ASTN2: variants seen among roughly 807,000 people sequenced by gnomAD.
The protein encoded by ASTN2 is astrotactin-2.
A neutral mutation model predicts 139.8 loss-of-function variants in ASTN2; 54 were observed. That is an observed-to-expected ratio of 0.39 (90% CI 0.31 to 0.48). The LOEUF is 0.48. Ranked by LOEUF, ASTN2 falls within the 20% of genes least tolerant of loss-of-function variation. The probability of loss-of-function intolerance (pLI) is 0.95; values close to 1 mark genes in which losing one functional copy is unlikely to be tolerated. For missense variants in ASTN2, 1,565 were observed against 1,725.1 expected, an observed-to-expected ratio of 0.91 and a Z score of 1.64; for synonymous variants, 756 against 719.5, an observed-to-expected ratio of 1.05 and a Z score of -0.81.
chr9:117,018,554 G>T (rs1409477209), intron 6 of ASTN2, among the ~76,000 whole-genome samples: 1 of 152,060 alleles, frequency 6.6e-6, no homozygotes, highest in Non-Finnish European at 1.5e-5. Context: ...TTTTTCTCTA[G>T]ATCTCTTCCT....
intron 19 of ASTN2, among the ~76,000 whole-genome samples, chr9:116,545,361 A>G (rs972706672): frequency 6.6e-6 from 1 of 152,380 alleles, no homozygotes; most frequent in Non-Finnish European, 1.5e-5. Flanking sequence ...CCACCATTCT[A>G]TACAAAATGC....
At chr9:116,838,072 A>ATT (rs1376861063) in intron 11 of ASTN2, among the ~76,000 whole-genome samples, 1 of 148,654 alleles carries the variant, frequency 6.7e-6, no homozygotes, top group Non-Finnish European at 1.5e-5. Context: ...GGCTCTCCAG[A>ATT]TTGCTGGATT....
chr9:116,676,554 C>T (rs1048368761), intron 16 of ASTN2, among the ~76,000 whole-genome samples: 1 of 152,188 alleles, frequency 6.6e-6, no homozygotes, highest in Non-Finnish European at 1.5e-5. Flanking sequence ...AACCTTGTGA[C>T]CATATGGGGA....
chr9:117,318,143 T>C (rs1341657898), intron 1 of ASTN2, among the ~76,000 whole-genome samples: 1 of 152,188 alleles, frequency 6.6e-6, no homozygotes, highest in African/African-American at 2.4e-5. Context: ...AAAGGTGTGC[T>C]TTCTGGAGCC....
At chr9:117,276,857 GATCCAATCCATA>G (rs1256972533) in intron 2 of ASTN2, 2 of 152,224 alleles carry the variant, frequency 1.3e-5, no homozygotes, top group Admixed American at 6.5e-5. Flanking sequence ...GTACCACAAT[GATCCAATCCATA>G]AGATGGAGAT....
chr9:116,720,531 T>G (rs1828442246), intron 16 of ASTN2, among the ~76,000 whole-genome samples: 1 of 151,772 alleles, frequency 6.6e-6, no homozygotes, highest in Admixed American at 6.6e-5. Context: ...CTCTCTTTGT[T>G]TTTCTGTCTC....
intron 6 of ASTN2, among the ~76,000 whole-genome samples, chr9:117,010,604 C>A (rs576571196): frequency 6.6e-6 from 1 of 152,156 alleles, no homozygotes; most frequent in Non-Finnish European, 1.5e-5. Context: ...GATACCAATT[C>A]CCTTTTCATA....
At chr9:117,017,458 G>A (rs931446467) in intron 6 of ASTN2, among the ~76,000 whole-genome samples, 2 of 152,094 alleles carry the variant, frequency 1.3e-5, no homozygotes, top group Non-Finnish European at 2.9e-5. Context: ...AGTAAGACAC[G>A]AACTTAGATG....
intron 16 of ASTN2, among the ~76,000 whole-genome samples, chr9:116,669,328 C>T (rs1369464532): frequency 6.6e-6 from 1 of 152,130 alleles, no homozygotes; most frequent in Non-Finnish European, 1.5e-5. Context: ...CCCTGCTCTA[C>T]AGAGCGCAGG....
At chr9:117,333,722 T>C (rs1171026904) in intron 1 of ASTN2, among the ~76,000 whole-genome samples, 1 of 152,186 alleles carries the variant, frequency 6.6e-6, no homozygotes. Context: ...CAGGCTGGTT[T>C]CGAACTCCTG....
chr9:116,703,892 A>G (rs1210302613), intron 16 of ASTN2, among the ~76,000 whole-genome samples: 1 of 152,212 alleles, frequency 6.6e-6, no homozygotes, highest in Non-Finnish European at 1.5e-5. Context: ...ATGAAACAAC[A>G]GATGCCTGGA....
intron 1 of ASTN2, among the ~76,000 whole-genome samples, chr9:117,343,394 T>C (rs1298481637): frequency 6.6e-6 from 1 of 152,230 alleles, no homozygotes; most frequent in African/African-American, 2.4e-5. Context: ...AGAAGCTTTC[T>C]CGGATTCCTA....
At chr9:117,413,752 C>G (rs772309235) in intron 1 of ASTN2, among the ~76,000 whole-genome samples, 1 of 152,110 alleles carries the variant, frequency 6.6e-6, no homozygotes, top group African/African-American at 2.4e-5. Flanking sequence ...TATTATTAGC[C>G]CAGGGAGTGA....
chr9:117,133,038 A>T (rs1416164420), intron 4 of ASTN2, among the ~76,000 whole-genome samples: 1 of 152,196 alleles, frequency 6.6e-6, no homozygotes, highest in Non-Finnish European at 1.5e-5. Flanking sequence ...CTCCCTGAGT[A>T]TCCATTGCAC....
intron 20 of ASTN2, among the ~76,000 whole-genome samples, chr9:116,476,097 T>C (rs1290350352): frequency 6.6e-6 from 1 of 152,202 alleles, no homozygotes; most frequent in African/African-American, 2.4e-5. Context: ...CGCAGGGCCA[T>C]GCTTCCTCTG....
intron 7 of ASTN2, among the ~76,000 whole-genome samples, chr9:116,997,321 C>A (rs748334666): frequency 6.6e-6 from 1 of 152,118 alleles, no homozygotes; most frequent in South Asian, 2.1e-4. Flanking sequence ...ACATCTTCTA[C>A]AACATAACAT....
chr9:116,518,341 G>A (rs1850733714), intron 19 of ASTN2, among the ~76,000 whole-genome samples: 1 of 152,130 alleles, frequency 6.6e-6, no homozygotes, highest in Non-Finnish European at 1.5e-5. Context: ...AGAAGGGATT[G>A]GGGTCTTATT....
chr9:117,295,130 C>T (rs12115459), intron 1 of ASTN2, among the ~76,000 whole-genome samples: 1,653 of 152,060 alleles, frequency 0.011, 30 homozygotes, highest in African/African-American at 0.038. Flanking sequence ...GAGACCAGCC[C>T]GGCCAACATG....
At chr9:116,953,587 G>T (rs1171580872) in intron 10 of ASTN2, among the ~76,000 whole-genome samples, 1 of 152,188 alleles carries the variant, frequency 6.6e-6, no homozygotes, top group African/African-American at 2.4e-5. Flanking sequence ...CAAGAATGCT[G>T]ACAGGTTTCA....
Sources: allele counts gnomAD v4.1 joint callset (sites outside exome capture counted in the v4.1 genomes callset), GRCh38; gene constraint gnomAD v4.1.1; transcripts MANE v1.5; gene names NCBI Gene and HGNC (gene_info 2026-07-23, HGNC 2026-07-21).